Variants in LSR observed in about 807,000 individuals in gnomAD.
The protein encoded by LSR is lipolysis-stimulated lipoprotein receptor.
LSR carries 44 observed loss-of-function variants against 61.8 expected under a neutral mutation model. The ratio of observed to expected loss-of-function variants is 0.71; its 90% confidence interval spans 0.56 to 0.91. The LOEUF is 0.91. Ranked by LOEUF, LSR falls within the 40% of genes least tolerant of loss-of-function variation. LSR has a pLI of 0.00. For missense variants in LSR, 911 were observed against 830.5 expected (o/e 1.10, Z -1.19); for synonymous variants, 397 against 350.6 (o/e 1.13, Z -1.48).
At chr19:35,249,715 G>A (rs547617684) in intron 1 of LSR, among the ~76,000 whole-genome samples, 31 of 152,260 alleles carry the variant, frequency 2.0e-4, no homozygotes, top group African/African-American at 7.5e-4. Context: ...CACCTGGATG[G>A]GATATTTGGG....
chr19:35,267,082 A>G, intron 8 of LSR, 27 bp from the exon 9 acceptor site: 1 of 1,526,328 alleles, frequency 6.6e-7, no homozygotes, highest in Non-Finnish European at 8.8e-7. Flanking sequence ...CTCCTCCAGC[A>G]GTCAGTGACA....
In LSR at chr19:35,258,935, C is replaced by T; in HGVS notation, c.455-10C>T. On this transcript the variant is annotated splice_polypyrimidine_tract_variant and intron_variant, in intron 2 of 9. Transcript: ENST00000605618. ...CCAAGGTGCCCTCACGCCTTTTCAT[C>T]CCGACTCAGATGCTGACCTGACCTT... 1 of 1,613,664 alleles carries T rather than the reference C, an allele frequency of 6.2e-7. No individual in the cohort carries two copies. Among genetic ancestry groups the T allele is most frequent in the South Asian group, 1.1e-5 (1 of 91,074 alleles).
rs2065949885 is a variant in LSR, at chr19:35,262,944, A to G, written c.778+252A>G. The G allele has an allele frequency of 6.0e-6, 3 of 501,422 alleles. No homozygotes were observed. In the South Asian group the frequency reaches 8.4e-5, roughly 14 times the overall value. The allele number at this position is 501,422 out of a possible 1,614,324, so 31.1% of individuals were successfully genotyped here. A position where few individuals can be genotyped will look rare whatever the true frequency, so the allele number is the denominator to read the frequency against. ...TCCATACACATGGTAAAAATGTCCA[A>G]CAGTACAAGATACTAGTCACATGGA... On this transcript the variant is annotated intron_variant, in intron 5 of 9. Transcript: ENST00000605618.
At chr19:35,261,729 A>G (rs2065931645) in intron 3 of LSR, among the ~76,000 whole-genome samples, 196 bp from the exon 4 acceptor site, 1 of 152,166 alleles carries the variant, frequency 6.6e-6, no homozygotes, top group African/African-American at 2.4e-5. Context: ...GGATTATGCA[A>G]TGGGAGTTTC....
In LSR at chr19:35,250,301, C is replaced by T. The variant is rs376231231; in HGVS notation, c.110-14C>T. 4.7e-5 allele frequency: 71 copies of T among 1,515,266 alleles called. No individual in the cohort carries two copies. The highest frequency in any genetic ancestry group is 5.9e-5 in the Non-Finnish European group (66 of 1,123,914). The allele number at this position is 1,515,266 out of a possible 1,614,324, so 93.9% of individuals were successfully genotyped here. ...GCTCACAGCAACCCTTGCTGTCTCT[C>T]CTCTTGCCCTCAGCTCCTGCCAGGG... is the stretch of plus-strand genomic sequence containing the variant. On this transcript the variant is annotated splice_polypyrimidine_tract_variant and intron_variant, in intron 1 of 9. Coordinates refer to ENST00000605618, the MANE Select transcript of LSR (RefSeq NM_205834.4).
At chr19:35,267,076 T>C in intron 8 of LSR, 33 bp from the exon 9 acceptor site, 1 of 1,526,906 alleles carries the variant, frequency 6.5e-7, no homozygotes, top group Non-Finnish European at 8.8e-7. Flanking sequence ...CCCGGGCTCC[T>C]CCAGCAGTCA....
chr19:35,259,250 C>G (rs2065894855), intron 3 of LSR, 186 bp downstream of exon 3: 2 of 643,338 alleles, frequency 3.1e-6, no homozygotes, highest in Non-Finnish European at 2.5e-6. Flanking sequence ...GCAGGGACCA[C>G]TGGCCCACAG....
intron 4 of LSR, 109 bp from the exon 5 acceptor site, chr19:35,262,437 G>A (rs2065942227): frequency 3.8e-6 from 5 of 1,299,934 alleles, no homozygotes; most frequent in Middle Eastern, 1.9e-4. Flanking sequence ...GGTGAGCTTT[G>A]CAAATCGTCC....
rs746260017 is a variant in LSR, at chr19:35,266,985, G to A, written c.1144+18G>A. 1.4e-5 allele frequency: 22 copies of A among 1,600,204 alleles called. No individual in the cohort carries two copies. Among genetic ancestry groups the A allele is most frequent in the Non-Finnish European group, 1.6e-5 (19 of 1,174,294 alleles). ...GGAGCGGGGTAAGCAGGAGCCTTGG[G>A]GTCTGAGGGCTTTTAAGGTGGGGGG... On this transcript the variant is annotated intron_variant, in intron 8 of 9. Coordinates refer to ENST00000605618, the MANE Select transcript of LSR (RefSeq NM_205834.4).
At position 35,267,379 on chromosome 19, in the gene LSR, G is replaced by A. The variant is rs1301478125; in HGVS notation, c.1415G>A (p.Ser472Asn). 2 of 1,601,030 alleles carry A rather than the reference G, an allele frequency of 1.2e-6. No homozygotes were observed. Among genetic ancestry groups the A allele is most frequent in the Admixed American group, 1.7e-5 (1 of 58,616 alleles). The change falls in exon 9 of 10, where the codon AGC (serine) becomes AAC (asparagine). Residue 472 changes from serine to asparagine, a missense_variant. Transcript: ENST00000605618. ...TCTCCCACGAGTAATGGTGGGAGAA[G>A]CCGGGCCTACATGCCCCCGCGGAGC... ...SRSPTSNGGR[S>N]RAYMPPRSRS...
chr19:35,258,832 G>T, intron 2 of LSR, 113 bp from the exon 3 acceptor site: 2 of 1,343,196 alleles, frequency 1.5e-6, no homozygotes, highest in Non-Finnish European at 2.1e-6. Context: ...TCTGCAGCCT[G>T]CCCAGCCCAC....
At chr19:35,256,144 G>T (rs1240143271) in intron 2 of LSR, among the ~76,000 whole-genome samples, 1 of 151,622 alleles carries the variant, frequency 6.6e-6, no homozygotes, top group Non-Finnish European at 1.5e-5. Flanking sequence ...TGAGGCAGGA[G>T]AATCGCTTGA....
At chr19:35,262,083 ACT>A in intron 4 of LSR, 102 bp downstream of exon 4, 1 of 1,104,550 alleles carries the variant, frequency 9.1e-7, no homozygotes, top group Non-Finnish European at 1.3e-6. Context: ...AACCCTGCTC[ACT>A]GTGGACCCCT....
intron 3 of LSR, among the ~76,000 whole-genome samples, chr19:35,259,750 G>A (rs536038001): frequency 6.6e-6 from 1 of 152,294 alleles, no homozygotes; most frequent in African/African-American, 2.4e-5. Context: ...CATCTCACCC[G>A]AGTCCCTCGC....
rs765224509 is a variant in LSR at position 35,267,674 on chromosome 19, C to G, written c.1710C>G (p.Pro570=). The change falls in exon 9 of 10, where the codon CCC becomes CCG. Residue 570 remains proline (P), a synonymous_variant. Transcript: ENST00000605618. ...AGGAGGAAGAGGCCTACTACCCGCC[C>G]GCGCCGCCCCCGTACTCGGAGACCG... ...KEEEEEAYYP[P]APPPYSETDS... is the part of the protein sequence containing the mutation. 3 of 1,604,828 alleles carry G rather than the reference C, an allele frequency of 1.9e-6. No individual in the cohort carries two copies. The highest frequency in any genetic ancestry group is 1.7e-6 in the Non-Finnish European group (2 of 1,176,272).
Position 35,250,484 on chromosome 19 carries a change from C to A in LSR, c.279C>A (p.Ser93=). ...FCRDRIADAF[S]PASVDNQLNA... is the part of the protein sequence containing the mutation. ...GGGACCGCATCGCCGATGCCTTCTC[C>A]CCGGCCAGCGTCGACAACCAGCTCA... is the stretch of plus-strand genomic sequence containing the variant. The change falls in exon 2 of 10, where the codon TCC becomes TCA. Residue 93 remains serine, a synonymous_variant. Transcript: ENST00000605618. 6.2e-7 allele frequency: 1 copy of A among 1,614,104 alleles called. No individual in the cohort carries two copies. Among genetic ancestry groups the A allele is most frequent in the Non-Finnish European group, 8.5e-7 (1 of 1,179,998 alleles).
intron 1 of LSR, 113 bp downstream of exon 1, chr19:35,249,244 C>T (rs2065758780): frequency 2.3e-6 from 3 of 1,314,022 alleles, no homozygotes; most frequent in African/African-American, 3.1e-5. Context: ...AGGCTGGGAC[C>T]TTCCGATCCC....
chr19:35,262,225 G>A (rs1488410267), intron 4 of LSR, among the ~76,000 whole-genome samples: 1 of 152,204 alleles, frequency 6.6e-6, no homozygotes, highest in African/African-American at 2.4e-5. Flanking sequence ...GCTCTTGAGG[G>A]TGTGGCGTCT....
At chr19:35,250,823 T>C (rs1461092337) in intron 2 of LSR, among the ~76,000 whole-genome samples, 164 bp downstream of exon 2, 1 of 139,294 alleles carries the variant, frequency 7.2e-6, no homozygotes, top group Admixed American at 7.7e-5. Flanking sequence ...GAAGATGGAG[T>C]CTTGCTCTGG....
Sources: allele counts gnomAD v4.1 joint callset (sites outside exome capture counted in the v4.1 genomes callset), GRCh38; gene constraint gnomAD v4.1.1; transcripts MANE v1.5; gene names NCBI Gene and HGNC (gene_info 2026-07-23, HGNC 2026-07-21).